ANO4: variants seen among roughly 807,000 people sequenced by gnomAD.
ANO4 encodes anoctamin-4.
ANO4 carries 69 observed loss-of-function variants against 141.9 expected under a neutral mutation model. The ratio of observed to expected loss-of-function variants is 0.49; its 90% CI spans 0.40 to 0.59. The LOEUF is 0.59. Ranked by LOEUF, ANO4 falls within the 20% of genes least tolerant of loss-of-function variation. ANO4 has a pLI of 0.00. For missense variants in ANO4, 894 were observed against 1,162.2 expected (o/e 0.77, Z 3.36); for synonymous variants, 350 against 394.3 (o/e 0.89, Z 1.33).
intron 1 of ANO4, among the ~76,000 whole-genome samples, chr12:100,896,236 G>A (rs780576706): frequency 6.6e-6 from 1 of 152,166 alleles, no homozygotes; most frequent in Non-Finnish European, 1.5e-5. Context: ...TTGAGATAGG[G>A]AGATTATCCT....
intron 8 of ANO4, among the ~76,000 whole-genome samples, chr12:101,009,548 A>G (rs2045996525): frequency 6.6e-6 from 1 of 152,130 alleles, no homozygotes; most frequent in Admixed American, 6.6e-5. Flanking sequence ...TTTAACTTCT[A>G]AAATTAATAT....
chr12:101,109,778 T>G (rs2050592985), intron 22 of ANO4, among the ~76,000 whole-genome samples: 1 of 152,132 alleles, frequency 6.6e-6, no homozygotes, highest in Non-Finnish European at 1.5e-5. Flanking sequence ...TAATGGTGAT[T>G]TTTTAATTTT....
chr12:100,900,169 A>G (rs1246649295), intron 1 of ANO4, among the ~76,000 whole-genome samples: 1 of 152,196 alleles, frequency 6.6e-6, no homozygotes, highest in African/African-American at 2.4e-5. Context: ...TGTCAGGAAT[A>G]GTAACATCCA....
intron 8 of ANO4, among the ~76,000 whole-genome samples, chr12:100,996,543 G>C (rs1292195881): frequency 6.6e-6 from 1 of 152,160 alleles, no homozygotes; most frequent in African/African-American, 2.4e-5. Context: ...AAATTAGCTG[G>C]GCGTGGTGAT....
intron 1 of ANO4, among the ~76,000 whole-genome samples, chr12:100,816,235 A>C (rs1338003194): frequency 6.6e-6 from 1 of 152,046 alleles, no homozygotes; most frequent in African/African-American, 2.4e-5. Flanking sequence ...GGATAGACGC[A>C]TGAAACAGAC....
At chr12:101,016,516 C>G (rs559650455) in intron 8 of ANO4, among the ~76,000 whole-genome samples, 76 of 152,232 alleles carry the variant, frequency 5.0e-4, no homozygotes, top group African/African-American at 1.7e-3. Flanking sequence ...GATTCCATTT[C>G]AAAATTAGAT....
chr12:101,071,516 G>A (rs1186241354), intron 14 of ANO4, among the ~76,000 whole-genome samples: 2 of 151,880 alleles, frequency 1.3e-5, no homozygotes, highest in Non-Finnish European at 2.9e-5. Flanking sequence ...AGAATAGAAA[G>A]ATGGTTACCA....
chr12:100,756,618 G>C (rs2032624287), intron 3 of ANO4, among the ~76,000 whole-genome samples: 1 of 152,168 alleles, frequency 6.6e-6, no homozygotes, highest in Non-Finnish European at 1.5e-5. Flanking sequence ...AAAGTGCTGG[G>C]ATTACAGGCA....
intron 1 of ANO4, among the ~76,000 whole-genome samples, chr12:100,819,002 C>CAT (rs1565903427): frequency 2.0e-5 from 3 of 148,908 alleles, no homozygotes; most frequent in Non-Finnish European, 4.5e-5. Context: ...TTAGGCTGAT[C>CAT]ATATATATAT....
At chr12:101,115,657 C>A (rs940910803) in intron 24 of ANO4, among the ~76,000 whole-genome samples, 5 of 152,116 alleles carry the variant, frequency 3.3e-5, no homozygotes, top group Non-Finnish European at 7.3e-5. Context: ...GTGTTAACCA[C>A]AATGTTCAAT....
At chr12:100,885,971 A>G (rs555951882) in intron 1 of ANO4, among the ~76,000 whole-genome samples, 2 of 152,282 alleles carry the variant, frequency 1.3e-5, no homozygotes, top group Admixed American at 6.5e-5. Flanking sequence ...GAAATATTCC[A>G]TCCGTGTTCT....
At position 100,727,356 on chromosome 12, in the gene ANO4, T is replaced by C. The variant is rs145989589; in HGVS notation, c.23-6418T>C. ...GTTTCAGATTATTTTATTCTGGCCA[T>C]ATAGATTTAACATTTGTTTATACCT... On this transcript the variant is annotated intron_variant, in intron 1 of 29. Transcript: ENST00000644049. 8.6e-3 allele frequency among the ~76,000 whole-genome samples: 1,314 copies of C among 152,344 alleles called. 23 individuals are homozygous for C. The highest frequency in any genetic ancestry group is 0.03 in the African/African-American group (1,232 of 41,580).
At chr12:100,736,473 T>G (rs547883941) in intron 2 of ANO4, among the ~76,000 whole-genome samples, 4 of 152,222 alleles carry the variant, frequency 2.6e-5, no homozygotes, top group African/African-American at 9.6e-5. Flanking sequence ...TGAGCCCAGG[T>G]CATTGGGCTC....
rs1201876392 is a variant in ANO4 at position 100,815,038 on chromosome 12, A to T, written c.-141+20011A>T. 4.6e-5 allele frequency among the ~76,000 whole-genome samples: 7 copies of T among 152,044 alleles called. No individual in the cohort carries two copies. In the South Asian group the frequency reaches 1.5e-3, roughly 32 times the overall value. On this transcript the variant is annotated intron_variant, in intron 1 of 27. Transcript: ENST00000392977. The stretch of plus-strand genomic sequence containing the variant: ...TAACTTTGGAATGCACTCAAGAGGG[A>T]TGCCTGGAGGGAATGGGGGAGAAAC...
At chr12:101,052,911 G>A (rs1156676949) in intron 14 of ANO4, among the ~76,000 whole-genome samples, 1 of 152,170 alleles carries the variant, frequency 6.6e-6, no homozygotes, top group Non-Finnish European at 1.5e-5. Flanking sequence ...TATGCAACTT[G>A]CCCAGGATTC....
intron 24 of ANO4, 41 bp from the exon 25 acceptor site, chr12:101,116,638 G>A (rs746375637): frequency 1.9e-5 from 30 of 1,614,004 alleles, no homozygotes; most frequent in Non-Finnish European, 2.5e-5. Context: ...TACAGAGAAG[G>A]TGATGAGTGT....
At chr12:100,930,787 A>G (rs1239843535) in intron 3 of ANO4, among the ~76,000 whole-genome samples, 1 of 152,166 alleles carries the variant, frequency 6.6e-6, no homozygotes, top group Non-Finnish European at 1.5e-5. Flanking sequence ...TTGTAAAAGC[A>G]GTAAAATGTA....
intron 3 of ANO4, among the ~76,000 whole-genome samples, chr12:100,743,765 C>T (rs746741975): frequency 9.2e-5 from 14 of 152,116 alleles, no homozygotes; most frequent in Non-Finnish European, 1.3e-4. Context: ...TGCTACATGG[C>T]CAAATTGCAT....
chr12:101,104,791 G>A (rs1273147438), intron 22 of ANO4, among the ~76,000 whole-genome samples: 1 of 151,128 alleles, frequency 6.6e-6, no homozygotes, highest in East Asian at 1.9e-4. Context: ...AGGCAAGATT[G>A]GTTAATTGTG....
Sources: gnomAD v4.1 joint callset for allele counts (sites outside exome capture counted in the v4.1 genomes callset) on GRCh38, gnomAD v4.1.1 for gene constraint, MANE v1.5 for transcripts, NCBI Gene and HGNC (gene_info 2026-07-23, HGNC 2026-07-21) for gene names.